The following PHIP variants were observed in gnomAD, a reference collection of about 807,000 sequenced individuals.
PHIP encodes the protein PH-interacting protein.
A neutral mutation model predicts 236.8 loss-of-function variants in PHIP; 54 were observed. That is an observed-to-expected ratio of 0.23 (90% confidence interval 0.18 to 0.29). The LOEUF (loss-of-function observed/expected upper bound fraction) is 0.29. PHIP is among the 10% of genes least tolerant of loss of function. The probability of loss-of-function intolerance (pLI) is 1.00; values close to 1 mark genes in which losing one functional copy is unlikely to be tolerated. For missense variants in PHIP, 1,370 were observed against 2,190.8 expected (o/e 0.63, Z 7.48); for synonymous variants, 756 against 718.9 (o/e 1.05, Z -0.83).
chr6:78,999,286 A>G (rs1215469550), intron 17 of PHIP, among the ~76,000 whole-genome samples: 1 of 152,164 alleles, frequency 6.6e-6, no homozygotes, highest in African/African-American at 2.4e-5. Context: ...CAATATTCCC[A>G]CTATAAAGAT....
chr6:78,989,386 C>G (rs1293340627), intron 20 of PHIP, among the ~76,000 whole-genome samples: 1 of 152,216 alleles, frequency 6.6e-6, no homozygotes, highest in African/African-American at 2.4e-5. Flanking sequence ...TGTCCCAACG[C>G]ACTCTGGCCT....
chr6:79,003,196 C>G (rs996480633), intron 16 of PHIP, among the ~76,000 whole-genome samples: 6 of 151,904 alleles, frequency 3.9e-5, no homozygotes, highest in Non-Finnish European at 8.8e-5. Flanking sequence ...TTTGAGCCCA[C>G]GAATTCAAAG....
intron 27 of PHIP, among the ~76,000 whole-genome samples, chr6:78,968,460 T>C (rs976049518): frequency 1.2e-4 from 18 of 152,216 alleles, no homozygotes; most frequent in African/African-American, 4.1e-4. Context: ...GTGAAATCCA[T>C]GAATATGGAA....
At chr6:78,981,948 T>C (rs1768565875) in intron 23 of PHIP, among the ~76,000 whole-genome samples, 1 of 152,004 alleles carries the variant, frequency 6.6e-6, no homozygotes, top group Admixed American at 6.6e-5. Context: ...CTCATAATTA[T>C]AAAGCTGAAA....
Position 79,015,693 on chromosome 6 carries a change from T to G in PHIP, c.1326A>C (p.Ala442=), listed in dbSNP as rs1013999818. 1.9e-6 allele frequency: 3 copies of G among 1,606,370 alleles called. No homozygotes were observed. The African/African-American group carries it at 4.0e-5, about 21-fold the overall frequency. Residue 442 remains alanine, a synonymous_variant, in exon 14 of 40, where the codon GCA becomes GCC. Transcript: ENST00000275034. The part of the protein sequence containing the change: ...WDRHDNTVIT[A]VNNMTLKVWN... ...AAACTTTCAGAGTCATGTTATTAAC[T>G]GCAGTTATAACTGTATTGTCATGTC...
rs1237850250 is a variant in PHIP at position 78,958,496 on chromosome 6, T to A, written c.3761A>T (p.Asp1254Val). Residue 1254 changes from aspartate (D) to valine (V), a missense_variant, in exon 32 of 40, where the codon GAT becomes GTT. Asp to Val is a radical substitution (Grantham distance 152, BLOSUM62 -3). Coordinates refer to ENST00000275034, the MANE Select transcript of PHIP (RefSeq NM_017934.7). ...PIVKSAKFVT[D>V]LLLHFIKDQT... ...TTACTTTATAAAATGTAGAAGAAGA[T>A]CAGTCACGAATTTAGCAGATTTCAC... 1 of 1,541,686 alleles carries A rather than the reference T, an allele frequency of 6.5e-7. No individual in the cohort carries two copies.
rs1174086255 is a variant in PHIP at position 78,939,346 on chromosome 6, CATG to C, written c.*1344_*1346del. On this transcript the variant is annotated 3_prime_UTR_variant, in exon 40 of 40. Transcript: ENST00000275034. ...TTTAGGGTGTATATTGACATACCAG[CATG>C]ATAAGGATACCGTAAAAAGTGCAGA... The C allele has an allele frequency of 6.6e-6, 1 of 151,606 alleles. No homozygotes were observed. Among genetic ancestry groups the C allele is most frequent in the African/African-American group, 2.4e-5 (1 of 41,368 alleles). The allele number at this position is 151,606 out of a possible 1,614,324, so 9.4% of individuals were successfully genotyped here.
At chr6:79,044,895 C>A (rs1358800341) in intron 6 of PHIP, among the ~76,000 whole-genome samples, 3 of 152,016 alleles carry the variant, frequency 2.0e-5, no homozygotes, top group Non-Finnish European at 2.9e-5. Flanking sequence ...TTCTTAAACA[C>A]AGGTTTTACT....
At position 78,965,756 on chromosome 6, in the gene PHIP, T is replaced by C. The variant is rs1767084419; in HGVS notation, c.3326A>G (p.Asn1109Ser). Residue 1109 changes from asparagine to serine, a missense_variant, in exon 29 of 40, where the codon AAT becomes AGT. By Grantham distance (46) the Asn-to-Ser change is conservative. This residue lies in a region of PHIP where 238 missense variants were observed against 398.5 expected (regional missense o/e 0.60). Coordinates refer to ENST00000275034, the MANE Select transcript of PHIP (RefSeq NM_017934.7). ...AGGACTCATCTTTTCTGTATCTCCA[T>C]TGTCCCAGCTTAAAGAAAGAAAAAT... ...LFQCYNVCWDNGDTEKMSPWD... is the reference protein window; with the variant it reads ...LFQCYNVCWDSGDTEKMSPWD... The C allele has an allele frequency of 3.9e-6, 6 of 1,540,502 alleles. No homozygotes were observed. The highest frequency in any genetic ancestry group is 3.6e-6 in the Non-Finnish European group (4 of 1,119,516).
intron 19 of PHIP, 96 bp downstream of exon 19, chr6:78,997,318 A>G: frequency 9.6e-7 from 1 of 1,043,642 alleles, no homozygotes. Flanking sequence ...AAAATTTCAG[A>G]GGAATTACAG....
chr6:78,935,574 G>T lies in PHIP; in HGVS notation c.*5119C>A, dbSNP rs1217399478. 1 of 969,562 alleles carries T rather than the reference G, an allele frequency of 1.0e-6. No individual in the cohort carries two copies. Among genetic ancestry groups the T allele is most frequent in the Admixed American group, 6.2e-5 (1 of 16,228 alleles). The allele number at this position is 969,562 out of a possible 1,614,324, so 60.1% of individuals were successfully genotyped here. ...CACTCATCACAGTAACTTACGGTAA[G>T]AAATCAATAAAATTGTTTTATTAAA... On this transcript the variant is annotated 3_prime_UTR_variant, in exon 40 of 40. Coordinates refer to ENST00000275034, the MANE Select transcript of PHIP (RefSeq NM_017934.7).
At chr6:79,001,720 C>T (rs1309249608) in intron 17 of PHIP, among the ~76,000 whole-genome samples, 179 bp downstream of exon 17, 1 of 152,018 alleles carries the variant, frequency 6.6e-6, no homozygotes. Flanking sequence ...CTGTAAATCG[C>T]CCATGTTCCA....
chr6:79,023,922 G>C (rs143630598), intron 9 of PHIP, among the ~76,000 whole-genome samples: 60 of 152,254 alleles, frequency 3.9e-4, no homozygotes, highest in African/African-American at 1.4e-3. Flanking sequence ...AAAGAGAAAG[G>C]TATCCCCATC....
At position 78,997,297 on chromosome 6, in the gene PHIP, G is replaced by A. The variant is rs6904138; in HGVS notation, c.2201+117C>T. The stretch of plus-strand genomic sequence containing the variant: ...TCTACAGTCATGAATAGTTTATACT[G>A]CCCTTCCAGAAAAATTTCAGAGGAA... On this transcript the variant is annotated intron_variant, in intron 19 of 39. Coordinates refer to ENST00000275034, the MANE Select transcript of PHIP (RefSeq NM_017934.7). 431 of 743,734 alleles carry A rather than the reference G, an allele frequency of 5.8e-4. No individual in the cohort carries two copies. The African/African-American group carries it at 6.8e-3, about 12-fold the overall frequency. 46.1% of individuals were successfully genotyped at this position (743,734 alleles called of 1,614,324 possible).
rs754764007 is a variant in PHIP at position 78,978,627 on chromosome 6, G to A, written c.2854C>T (p.Arg952Ter). Residue 952 changes from arginine to a stop codon, truncating the protein, a stop_gained, in exon 24 of 40, where the codon CGA (arginine) becomes TGA (stop). Coordinates refer to ENST00000275034, the MANE Select transcript of PHIP (RefSeq NM_017934.7). LOFTEE classifies it high-confidence loss of function. ...PSTWITDTIP[R>*]RCPFVPQMGD... The stretch of plus-strand genomic sequence containing the variant: ...ATCTGTGGCACAAATGGACATCTTC[G>A]GGGAATGGTATCTGTAATCCATGTT... 1 of 1,591,540 alleles carries A rather than the reference G, an allele frequency of 6.3e-7. No individual in the cohort carries two copies. Among genetic ancestry groups the A allele is most frequent in the Non-Finnish European group, 8.6e-7 (1 of 1,164,506 alleles).
At chr6:79,029,802 T>A (rs1771582184) in intron 7 of PHIP, among the ~76,000 whole-genome samples, 1 of 152,144 alleles carries the variant, frequency 6.6e-6, no homozygotes, top group Non-Finnish European at 1.5e-5. Context: ...CGTGCTGGGA[T>A]TACAGGCTAT....
intron 7 of PHIP, among the ~76,000 whole-genome samples, chr6:79,028,164 G>C (rs549819585): frequency 6.6e-6 from 1 of 152,036 alleles, no homozygotes. Context: ...TAGAGTGTGA[G>C]GTGAAGGCAT....
chr6:79,010,839 T>G (rs1035773712), intron 15 of PHIP, among the ~76,000 whole-genome samples: 2 of 151,932 alleles, frequency 1.3e-5, no homozygotes, highest in Admixed American at 1.3e-4. Context: ...TCAAATTAAT[T>G]TAATATTCAT....
At chr6:79,005,535 G>A (rs1414396345) in intron 15 of PHIP, among the ~76,000 whole-genome samples, 1 of 151,810 alleles carries the variant, frequency 6.6e-6, no homozygotes, top group East Asian at 1.9e-4. Flanking sequence ...AAAAATTAGG[G>A]GATTGAAACT....
Sources: gnomAD v4.1 joint callset for allele counts (sites outside exome capture counted in the v4.1 genomes callset) on GRCh38, gnomAD v4.1.1 for gene constraint, gnomAD v4.1.1 regional missense constraint, MANE v1.5 for transcripts, NCBI Gene and HGNC (gene_info 2026-07-23, HGNC 2026-07-21) for gene names.